STOX2: variants seen among roughly 807,000 people sequenced by gnomAD.
The protein encoded by STOX2 is storkhead box 2, also known as storkhead-box protein 2.
Under a neutral mutation model 60.9 loss-of-function variants are expected in STOX2, and 28 were observed. The observed-to-expected ratio is 0.46, with a 90% CI of 0.34 to 0.63. The LOEUF is 0.63. Ranked by LOEUF, STOX2 falls within the 30% of genes least tolerant of loss-of-function variation. The pLI, the probability that STOX2 is intolerant of heterozygous loss-of-function variation, is 0.01. For synonymous variants in STOX2, 472 were observed against 463.9 expected, an observed-to-expected ratio of 1.02 and a Z score of -0.22; for missense variants, 1,024 against 1,187.7, an observed-to-expected ratio of 0.86 and a Z score of 2.03.
At chr4:183,841,936 T>C (rs1218437214) in intron 1 of STOX2, among the ~76,000 whole-genome samples, 1 of 152,260 alleles carries the variant, frequency 6.6e-6, no homozygotes, top group Non-Finnish European at 1.5e-5. Flanking sequence ...TGTGGAATTA[T>C]TAATACCAGC....
At chr4:183,863,810 AT>A (rs573032330) in intron 1 of STOX2, among the ~76,000 whole-genome samples, 3 of 151,934 alleles carry the variant, frequency 2.0e-5, no homozygotes, top group Admixed American at 6.6e-5. Flanking sequence ...TATTCTTTTA[AT>A]TTTTTTTGTT....
At chr4:183,967,037 G>A (rs191681980) in intron 1 of STOX2, among the ~76,000 whole-genome samples, 2 of 152,292 alleles carry the variant, frequency 1.3e-5, no homozygotes, top group South Asian at 2.1e-4. Context: ...AAGTGTAGTT[G>A]TTATGAGTAG....
chr4:183,908,045 C>G (rs534375299), intron 1 of STOX2, among the ~76,000 whole-genome samples: 2 of 152,302 alleles, frequency 1.3e-5, no homozygotes, highest in African/African-American at 4.8e-5. Flanking sequence ...CTCTTTTTCT[C>G]CTAAAACAGC....
chr4:183,891,806 AT>A (rs748404174), intron 1 of STOX2, among the ~76,000 whole-genome samples: 126 of 151,972 alleles, frequency 8.3e-4, no homozygotes, highest in Middle Eastern at 6.8e-3. Flanking sequence ...TAAAATGAAA[AT>A]TTAAAAAAAA....
At chr4:183,888,158 T>C (rs1283665241) in intron 1 of STOX2, among the ~76,000 whole-genome samples, 1 of 152,152 alleles carries the variant, frequency 6.6e-6, no homozygotes, top group Non-Finnish European at 1.5e-5. Flanking sequence ...GACCTTCAAT[T>C]GTCTTTCATT....
intron 1 of STOX2, among the ~76,000 whole-genome samples, chr4:183,966,226 G>A (rs927755203): frequency 6.6e-6 from 1 of 152,224 alleles, no homozygotes; most frequent in African/African-American, 2.4e-5. Context: ...GCACATAGCT[G>A]GGGAAGAGAG....
chr4:183,812,985 TA>T (rs1381971322), intron 1 of STOX2, among the ~76,000 whole-genome samples: 8 of 152,286 alleles, frequency 5.3e-5, no homozygotes, highest in East Asian at 1.9e-4. Flanking sequence ...ATCAATTATT[TA>T]AAAAAATAAT....
At chr4:183,999,494 G>A (rs1041514153) in intron 1 of STOX2, among the ~76,000 whole-genome samples, 1 of 152,110 alleles carries the variant, frequency 6.6e-6, no homozygotes, top group African/African-American at 2.4e-5. Flanking sequence ...TGGCCACTGG[G>A]ACAACGTCTT....
chr4:183,972,102 C>G (rs914804711), intron 1 of STOX2, among the ~76,000 whole-genome samples: 1 of 152,330 alleles, frequency 6.6e-6, no homozygotes, highest in African/African-American at 2.4e-5. Flanking sequence ...CTCTCCCTTC[C>G]CAACCCATAG....
Position 183,906,871 on chromosome 4 carries a change from GT to G in STOX2, c.82del (p.Ser28ProfsTer26). On this transcript the variant is annotated frameshift_variant, in exon 1 of 4. Coordinates refer to ENST00000308497, the MANE Select transcript of STOX2 (RefSeq NM_020225.3). LOFTEE classifies it high-confidence loss of function. ...FSDRASDRMR[S>X]RSEKDYRLHK... ...CGGACCGGGCCTCGGACCGCATGAG[GT>G]CCCGCAGCGAGAAGGACTACCGCCT... 6.4e-7 allele frequency: 1 copy of G among 1,551,610 alleles called. No individual in the cohort carries two copies. Among genetic ancestry groups the G allele is most frequent in the Non-Finnish European group, 8.7e-7 (1 of 1,147,098 alleles).
chr4:183,987,327 G>C (rs1056286570), intron 1 of STOX2, among the ~76,000 whole-genome samples: 12 of 151,870 alleles, frequency 7.9e-5, no homozygotes, highest in African/African-American at 2.9e-4. Context: ...TTCTCTGCTG[G>C]CATAAATTCC....
chr4:183,903,064 CT>C (rs1380778473), upstream of STOX2, among the ~76,000 whole-genome samples: 1 of 152,222 alleles, frequency 6.6e-6, no homozygotes, highest in Non-Finnish European at 1.5e-5. Flanking sequence ...TAGTCAATCT[CT>C]CCCTTCGAAC....
At chr4:183,969,527 C>T (rs959545865) in intron 1 of STOX2, among the ~76,000 whole-genome samples, 3 of 152,086 alleles carry the variant, frequency 2.0e-5, no homozygotes, top group African/African-American at 7.2e-5. Flanking sequence ...CTCAGCCTCC[C>T]AAAGCCCTGA....
At chr4:184,000,497 A>T (rs1733540292) in intron 1 of STOX2, among the ~76,000 whole-genome samples, 1 of 152,134 alleles carries the variant, frequency 6.6e-6, no homozygotes, top group Non-Finnish European at 1.5e-5. Context: ...ACCTGCCTTC[A>T]GCCTTCCATG....
chr4:183,905,168 G>A (rs7673692), upstream of STOX2, among the ~76,000 whole-genome samples: 3,089 of 152,332 alleles, frequency 0.02, 104 homozygotes, highest in African/African-American at 0.071. Context: ...CAACGTGGCT[G>A]GGCGCCTTTA....
chr4:183,937,437 G>C (rs2111123836), intron 1 of STOX2, among the ~76,000 whole-genome samples: 1 of 152,342 alleles, frequency 6.6e-6, no homozygotes, highest in East Asian at 1.9e-4. Context: ...GAAGCCATAT[G>C]ACCTTTTCTT....
chr4:183,937,747 C>T (rs1468386268), intron 1 of STOX2, among the ~76,000 whole-genome samples: 2 of 152,088 alleles, frequency 1.3e-5, no homozygotes, highest in African/African-American at 4.8e-5. Context: ...CCATTGATTT[C>T]ATCAATAGAT....
intron 1 of STOX2, among the ~76,000 whole-genome samples, chr4:183,944,645 C>T (rs973625783): frequency 6.6e-6 from 1 of 152,148 alleles, no homozygotes; most frequent in Admixed American, 6.5e-5. Context: ...GCCCAGGAGG[C>T]GGAGGTTGCA....
intron 3 of STOX2, among the ~76,000 whole-genome samples, chr4:184,012,056 A>G (rs533835531): frequency 2.0e-5 from 3 of 152,270 alleles, no homozygotes; most frequent in African/African-American, 7.2e-5. Context: ...TGCCATGTTT[A>G]TTTCTCCTCC....
Sources: gnomAD v4.1 joint callset for allele counts (sites outside exome capture counted in the v4.1 genomes callset) on GRCh38, gnomAD v4.1.1 for gene constraint, MANE v1.5 for transcripts, NCBI Gene and HGNC (gene_info 2026-07-23, HGNC 2026-07-21) for gene names.